Variants in DYRK4 observed in about 807,000 individuals in gnomAD.
DYRK4 encodes the protein dual specificity tyrosine-phosphorylation-regulated kinase 4.
Under a neutral mutation model 68.3 loss-of-function variants are expected in DYRK4, and 64 were observed. The ratio of observed to expected loss-of-function variants is 0.94; its 90% CI spans 0.77 to 1.15. The LOEUF (loss-of-function observed/expected upper bound fraction) is 1.15, where lower values mean the gene tolerates loss of function less well. Among genes scored for constraint, DYRK4 ranks in the 50% most tolerant of loss-of-function variants. The pLI is 0.00. For missense variants in DYRK4, 740 were observed against 764.7 expected (o/e 0.97, Z 0.38); for synonymous variants, 274 against 289.9 (o/e 0.95, Z 0.56).
At chr12:4,582,260 C>G (rs1347923737) in intron 2 of DYRK4, among the ~76,000 whole-genome samples, 1 of 152,076 alleles carries the variant, frequency 6.6e-6, no homozygotes, top group Non-Finnish European at 1.5e-5. Flanking sequence ...GCCTGACCAA[C>G]ATAGAGAAAC....
At chr12:4,608,530 T>C (rs1217892463) in intron 12 of DYRK4, among the ~76,000 whole-genome samples, 1 of 152,108 alleles carries the variant, frequency 6.6e-6, no homozygotes, top group African/African-American at 2.4e-5. Context: ...ATGTGGGGGT[T>C]ATAATTTGTC....
chr12:4,609,376 T>C (rs559392999), intron 12 of DYRK4, among the ~76,000 whole-genome samples: 4 of 152,352 alleles, frequency 2.6e-5, no homozygotes, highest in East Asian at 1.9e-4. Flanking sequence ...TTCGACGTTT[T>C]TAATGACGGC....
At chr12:4,600,296 G>C (rs1293140215) in intron 10 of DYRK4, among the ~76,000 whole-genome samples, 1 of 151,836 alleles carries the variant, frequency 6.6e-6, no homozygotes, top group African/African-American at 2.4e-5. Flanking sequence ...GCTTCTATCA[G>C]GTTCGCTATA....
At position 4,562,236 on chromosome 12, in the gene DYRK4, C is replaced by T; in HGVS notation, c.-10C>T. On this transcript the variant is annotated 5_prime_UTR_variant, in exon 1 of 15. Coordinates refer to ENST00000543431, the MANE Select transcript of DYRK4 (RefSeq NM_001394779.1). ...GCCTCCCGCAGCGGCGGGCGGTCAG[C>T]GCCGGCCTCATGCAGCTCCTCCCGC... 1 of 1,528,632 alleles carries T rather than the reference C, an allele frequency of 6.5e-7. No homozygotes were observed. The highest frequency in any genetic ancestry group is 8.7e-7 in the Non-Finnish European group (1 of 1,143,408). The allele number at this position is 1,528,632 out of a possible 1,614,324, so 94.7% of individuals were successfully genotyped here. A position where few individuals can be genotyped will look rare whatever the true frequency, so the allele number is the denominator to read the frequency against.
At position 4,593,120 on chromosome 12, in the gene DYRK4, A is replaced by C; in HGVS notation, c.582A>C (p.Lys194Asn). ...EAKKLDTAPE[K>N]FSKTSFDDEH... ...AGAAGCTCGACACGGCTCCTGAGAA[A>C]TTTAGCAAGACGAGTTTTGATGATG... The change falls in exon 6 of 15, where the codon AAA becomes AAC. Residue 194 changes from lysine (K) to asparagine (N), a missense_variant. Coordinates refer to ENST00000543431, the MANE Select transcript of DYRK4 (RefSeq NM_001394779.1). The C allele has an allele frequency of 6.2e-7, 1 of 1,614,164 alleles. No homozygotes were observed. Among genetic ancestry groups the C allele is most frequent in the Non-Finnish European group, 8.5e-7 (1 of 1,180,026 alleles).
intron 1 of DYRK4, chr12:4,567,317 G>A (rs982200592): frequency 2.6e-5 from 4 of 152,172 alleles, no homozygotes; most frequent in South Asian, 2.1e-4. Flanking sequence ...GCTAGAAGCC[G>A]AAAAGGGACT....
At chr12:4,583,551 C>T (rs937532497) in intron 2 of DYRK4, among the ~76,000 whole-genome samples, 2 of 151,958 alleles carry the variant, frequency 1.3e-5, no homozygotes, top group South Asian at 2.1e-4. Flanking sequence ...CCTGCCACCA[C>T]GCCCGACTAA....
intron 2 of DYRK4, among the ~76,000 whole-genome samples, chr12:4,578,386 T>C (rs1382356079): frequency 6.6e-6 from 1 of 152,204 alleles, no homozygotes; most frequent in Non-Finnish European, 1.5e-5. Flanking sequence ...GTATAATATG[T>C]TATTAAGCCC....
rs559425308 is a variant in DYRK4 at position 4,591,491 on chromosome 12, G to C, written c.463+193G>C. The C allele has an allele frequency of 1.6e-5, 12 of 739,700 alleles. No homozygotes were observed. The South Asian group carries it at 3.0e-4, about 19-fold the overall frequency. 45.8% of individuals were successfully genotyped at this position (739,700 alleles called of 1,614,324 possible). Reference sequence around the variant, plus strand: ...GTATAAGCAAGAGGCTGAATAGGAGGCTGAATTTCCCCCAAGGAGTGGCTC... The same window carrying C: ...GTATAAGCAAGAGGCTGAATAGGAGCCTGAATTTCCCCCAAGGAGTGGCTC... On this transcript the variant is annotated intron_variant, in intron 5 of 14. Transcript: ENST00000543431. The surrounding 1 kb of genome is among the most constrained non-coding windows in gnomAD (Gnocchi z 4.1).
chr12:4,586,291 G>C (rs577854640), intron 2 of DYRK4, among the ~76,000 whole-genome samples: 3 of 152,108 alleles, frequency 2.0e-5, no homozygotes, highest in Non-Finnish European at 2.9e-5. Context: ...GACTGCACAG[G>C]AAGCACCCCC....
chr12:4,590,414 C>T lies in DYRK4; in HGVS notation c.298C>T (p.Leu100=), dbSNP rs1944940663. ...VSFPHISKKV[L]LKSSLLYQEN... ...CTTCCCACACATTAGCAAGAAAGTC[C>T]TGCTGAAGTCATCCCTGCTGTATCA... Residue 100 remains leucine, a synonymous_variant, in exon 4 of 15, where the codon CTG becomes TTG. Coordinates refer to ENST00000543431, the MANE Select transcript of DYRK4 (RefSeq NM_001394779.1). The T allele has an allele frequency of 6.5e-7, 1 of 1,535,942 alleles. No homozygotes were observed. The highest frequency in any genetic ancestry group is 1.4e-5 in the African/African-American group (1 of 73,120).
intron 2 of DYRK4, 123 bp from the exon 3 acceptor site, chr12:4,588,814 C>G: frequency 1.2e-6 from 1 of 844,080 alleles, no homozygotes. Flanking sequence ...CTTGGCTCTT[C>G]CCAGCTAAGG....
chr12:4,596,964 A>G (rs1945025120), intron 8 of DYRK4: 1 of 1,370,406 alleles, frequency 7.3e-7, no homozygotes, highest in East Asian at 3.0e-5. Flanking sequence ...GGTGCTGGGT[A>G]CTGAGCCAGG....
chr12:4,602,431 G>C, intron 10 of DYRK4: 1 of 1,042,304 alleles, frequency 9.6e-7, no homozygotes, highest in East Asian at 2.4e-5. Context: ...GATGAGATAT[G>C]TGCAGACTGT....
Position 4,593,132 on chromosome 12 carries a change from G to A in DYRK4, c.594G>A (p.Thr198=), listed in dbSNP as rs1349776146. The A allele has an allele frequency of 8.7e-6, 14 of 1,613,962 alleles. No homozygotes were observed. The African/African-American group carries it at 1.2e-4, about 14-fold the overall frequency. Reference sequence around the variant, plus strand: ...CGGCTCCTGAGAAATTTAGCAAGACGAGTTTTGATGATGAGCATGGCTTCT... The same window carrying A: ...CGGCTCCTGAGAAATTTAGCAAGACAAGTTTTGATGATGAGCATGGCTTCT... ...LDTAPEKFSK[T]SFDDEHGFYL... Residue 198 remains threonine (T), a synonymous_variant, in exon 6 of 15, where the codon ACG becomes ACA. Transcript: ENST00000543431.
intron 2 of DYRK4, among the ~76,000 whole-genome samples, chr12:4,584,872 C>T (rs1362296965): frequency 6.6e-6 from 1 of 152,082 alleles, no homozygotes; most frequent in Non-Finnish European, 1.5e-5. Context: ...AGCTTTTAAG[C>T]TGAACTCAGT....
At chr12:4,596,448 G>C (rs61909647) in intron 7 of DYRK4, 141 bp from the exon 8 acceptor site, 42,510 of 1,495,884 alleles carry the variant, frequency 0.028, 710 homozygotes, top group Non-Finnish European at 0.032. Context: ...AAGAGGAGGT[G>C]AGAGTGTGGT....
At chr12:4,606,849 C>G (rs571547507) in intron 11 of DYRK4, among the ~76,000 whole-genome samples, 25 of 152,178 alleles carry the variant, frequency 1.6e-4, no homozygotes, top group Non-Finnish European at 3.4e-4. Flanking sequence ...GTGTGCCCCT[C>G]TAAGTTGCAG....
intron 2 of DYRK4, chr12:4,573,225 G>A: frequency 2.1e-6 from 2 of 934,436 alleles, no homozygotes; most frequent in Non-Finnish European, 3.0e-6. Flanking sequence ...TCTAGAATCA[G>A]TGGCTCAATG....
Sources: gnomAD v4.1 joint callset for allele counts (sites outside exome capture counted in the v4.1 genomes callset) on GRCh38, gnomAD v4.1.1 for gene constraint, Gnocchi (gnomAD v3.1) non-coding constraint, MANE v1.5 for transcripts, NCBI Gene and HGNC (gene_info 2026-07-23, HGNC 2026-07-21) for gene names.